MYO16: variants seen among roughly 807,000 people sequenced by gnomAD.
MYO16 encodes the protein unconventional myosin-XVI.
A neutral mutation model predicts 205.3 loss-of-function variants in MYO16; 94 were observed. That is an observed-to-expected ratio of 0.46 (90% CI 0.39 to 0.54). MYO16 has a LOEUF of 0.54. Among genes scored for constraint, MYO16 ranks in the 20% least tolerant of loss-of-function variants. The pLI is 0.00. For synonymous variants in MYO16, 988 were observed against 954.0 expected, an observed-to-expected ratio of 1.04 and a Z score of -0.66; for missense variants, 2,315 against 2,387.5, an observed-to-expected ratio of 0.97 and a Z score of 0.63.
chr13:108,598,142 A>G (rs1466790146), intron 1 of MYO16, among the ~76,000 whole-genome samples: 1 of 152,198 alleles, frequency 6.6e-6, no homozygotes, highest in Non-Finnish European at 1.5e-5. Context: ...CGTTACTTTC[A>G]TTTGTTTATT....
the MYO16 span, among the ~76,000 whole-genome samples, chr13:108,520,528 T>A: frequency 6.6e-6 from 1 of 152,220 alleles, no homozygotes; most frequent in Non-Finnish European, 1.5e-5. Flanking sequence ...GAATTATTAA[T>A]CTTGATTCAT....
intron 27 of MYO16, among the ~76,000 whole-genome samples, chr13:109,091,941 T>C (rs2139692090): frequency 6.6e-6 from 1 of 152,338 alleles, no homozygotes; most frequent in South Asian, 2.1e-4. Context: ...GGTATAATTT[T>C]GGTCCAAAAA....
chr13:108,802,259 A>G (rs1886990586), intron 6 of MYO16, among the ~76,000 whole-genome samples: 1 of 152,090 alleles, frequency 6.6e-6, no homozygotes, highest in Non-Finnish European at 1.5e-5. Context: ...CCCCTCCCCG[A>G]GTCCCTGGCA....
In MYO16 at chr13:108,957,724, A is replaced by G. The variant is rs766465142; in HGVS notation, c.1962A>G (p.Thr654=). The G allele has an allele frequency of 2.5e-6, 4 of 1,613,468 alleles. 1 individual carries two copies. In the South Asian group the frequency reaches 4.4e-5, roughly 18 times the overall value. ...LNQTIQDDAS[T]GERSLNREKL... ...AGACCATACAGGATGATGCATCCAC[A>G]GGGGAGCGTTCTCTGAACAGGGAGA... Residue 654 remains threonine, a synonymous_variant, in exon 17 of 35, where the codon ACA becomes ACG. Transcript: ENST00000457511.
At chr13:109,165,265 C>A (rs80122895) in intron 33 of MYO16, among the ~76,000 whole-genome samples, 1,768 of 152,246 alleles carry the variant, frequency 0.012, 36 homozygotes, top group African/African-American at 0.04. Flanking sequence ...TCCTTGTTGA[C>A]TTTTCCGAAA....
intron 12 of MYO16, among the ~76,000 whole-genome samples, chr13:108,880,369 A>G (rs1440228651): frequency 1.3e-5 from 2 of 152,194 alleles, no homozygotes; most frequent in Non-Finnish European, 2.9e-5. Flanking sequence ...TAGTTTAATT[A>G]GATCCCATTT....
At chr13:108,772,206 A>G (rs1885988903) in intron 4 of MYO16, among the ~76,000 whole-genome samples, 1 of 152,114 alleles carries the variant, frequency 6.6e-6, no homozygotes, top group African/African-American at 2.4e-5. Context: ...TTACATAGAA[A>G]GAAATAGCCG....
chr13:108,930,623 A>G (rs1320283214), intron 16 of MYO16, among the ~76,000 whole-genome samples: 1 of 152,226 alleles, frequency 6.6e-6, no homozygotes, highest in Non-Finnish European at 1.5e-5. Context: ...ACACAAAAAA[A>G]TTATGCTAAG....
chr13:108,845,990 T>G (rs1877501394), intron 10 of MYO16, among the ~76,000 whole-genome samples: 1 of 152,102 alleles, frequency 6.6e-6, no homozygotes, highest in Admixed American at 6.6e-5. Context: ...ATTATAGGTG[T>G]GAGCCACCAC....
intron 34 of MYO16, among the ~76,000 whole-genome samples, chr13:109,190,356 CCTAACA>C (rs1184482055): frequency 6.6e-6 from 1 of 152,170 alleles, no homozygotes. Context: ...TCTGCTTCCT[CCTAACA>C]CTGAGTATGT....
intron 4 of MYO16, among the ~76,000 whole-genome samples, chr13:108,771,644 G>A (rs895455959): frequency 2.6e-5 from 4 of 151,294 alleles, no homozygotes; most frequent in South Asian, 2.1e-4. Flanking sequence ...TGCTCTGTCC[G>A]TTGATCACCA....
intron 2 of MYO16, among the ~76,000 whole-genome samples, chr13:108,692,044 T>C (rs1028801484): frequency 5.3e-5 from 8 of 152,184 alleles, no homozygotes; most frequent in Non-Finnish European, 2.9e-5. Flanking sequence ...AATAACAATA[T>C]TTTGAAATCT....
At chr13:108,572,138 G>T in the MYO16 span, among the ~76,000 whole-genome samples, 1 of 151,850 alleles carries the variant, frequency 6.6e-6, no homozygotes, top group East Asian at 1.9e-4. Flanking sequence ...TGTTGCCCAG[G>T]CTGATCTCAA....
chr13:108,774,941 G>T (rs1012976250), intron 4 of MYO16, among the ~76,000 whole-genome samples: 2 of 152,038 alleles, frequency 1.3e-5, no homozygotes, highest in South Asian at 2.1e-4. Flanking sequence ...GCATTCAGTC[G>T]TTTAAAAATA....
At chr13:108,624,348 T>C (rs1241902799) in intron 1 of MYO16, among the ~76,000 whole-genome samples, 1 of 152,200 alleles carries the variant, frequency 6.6e-6, no homozygotes, top group East Asian at 1.9e-4. Flanking sequence ...TCCTGGTAAC[T>C]GGTTGCAGTA....
intron 2 of MYO16, among the ~76,000 whole-genome samples, chr13:108,711,084 A>C (rs928490976): frequency 2.0e-5 from 3 of 152,180 alleles, no homozygotes; most frequent in African/African-American, 7.2e-5. Flanking sequence ...ATAGAGAGAA[A>C]GGGAGGCAGA....
At chr13:108,591,718 C>T (rs1002588368), upstream of MYO16, among the ~76,000 whole-genome samples, 9 of 152,076 alleles carry the variant, frequency 5.9e-5, no homozygotes, top group East Asian at 1.9e-4. Flanking sequence ...CTCTTTTCTT[C>T]CTTGTCCTTT....
chr13:108,634,143 G>C (rs1880113026), intron 1 of MYO16, among the ~76,000 whole-genome samples: 1 of 152,136 alleles, frequency 6.6e-6, no homozygotes. Context: ...CAGGCAGGCA[G>C]CACTCTCCTG....
intron 7 of MYO16, 56 bp downstream of exon 7, chr13:108,806,860 T>A: frequency 1.6e-6 from 2 of 1,221,196 alleles, no homozygotes; most frequent in Non-Finnish European, 2.2e-6. Flanking sequence ...AATGAATAAT[T>A]TCATATTCAA....
Sources: gnomAD v4.1 joint callset for allele counts (sites outside exome capture counted in the v4.1 genomes callset) on GRCh38, gnomAD v4.1.1 for gene constraint, MANE v1.5 for transcripts, NCBI Gene and HGNC (gene_info 2026-07-23, HGNC 2026-07-21) for gene names.